The following VAMP4 variants were observed in gnomAD, a reference collection of about 807,000 sequenced individuals.
VAMP4 encodes the protein vesicle-associated membrane protein 4.
Under a neutral mutation model 23.5 loss-of-function variants are expected in VAMP4, and 19 were observed. That is an observed-to-expected ratio of 0.81 (90% CI 0.56 to 1.19). VAMP4 has a LOEUF of 1.19. Among genes scored for constraint, VAMP4 ranks in the 50% most tolerant of loss-of-function variants. VAMP4 has a pLI of 0.00. For missense variants in VAMP4, 145 were observed against 168.6 expected, an observed-to-expected ratio of 0.86 and a Z score of 0.78; for synonymous variants, 31 against 51.0, an observed-to-expected ratio of 0.61 and a Z score of 1.67.
At chr1:171,741,542 C>G (rs1045169135) in intron 1 of VAMP4, among the ~76,000 whole-genome samples, 1 of 151,170 alleles carries the variant, frequency 6.6e-6, no homozygotes, top group African/African-American at 2.4e-5. Flanking sequence ...CCACGTCCCA[C>G]GATATATCTG....
intron 2 of VAMP4, among the ~76,000 whole-genome samples, chr1:171,733,707 G>C (rs1655636864): frequency 6.6e-6 from 1 of 152,166 alleles, no homozygotes; most frequent in South Asian, 2.1e-4. Context: ...GGAGAAATTA[G>C]AATCATCATA....
At chr1:171,733,119 T>C (rs1266191267) in intron 2 of VAMP4, among the ~76,000 whole-genome samples, 1 of 151,954 alleles carries the variant, frequency 6.6e-6, no homozygotes, top group East Asian at 1.9e-4. Flanking sequence ...TGAGTAATAT[T>C]CTAGCTAACA....
chr1:171,730,737 T>C (rs571066928), intron 2 of VAMP4, among the ~76,000 whole-genome samples: 1 of 127,616 alleles, frequency 7.8e-6, no homozygotes, highest in African/African-American at 2.9e-5. Flanking sequence ...GATATGGTGG[T>C]TCTGGGGGCA....
chr1:171,728,653 T>A, intron 2 of VAMP4, 83 bp from the exon 3 acceptor site: 2 of 1,343,690 alleles, frequency 1.5e-6, no homozygotes, highest in Non-Finnish European at 1.0e-6. Flanking sequence ...ATAAGTCCTA[T>A]ACTAGTGAAA....
chr1:171,729,433 A>C (rs530676330), intron 2 of VAMP4, among the ~76,000 whole-genome samples: 103 of 152,318 alleles, frequency 6.8e-4, no homozygotes, highest in African/African-American at 2.2e-3. Context: ...ATTTCACACA[A>C]TATTTTTTAA....
At chr1:171,710,008 G>A (rs1259396501) in intron 5 of VAMP4, among the ~76,000 whole-genome samples, 17 of 151,806 alleles carry the variant, frequency 1.1e-4, no homozygotes, top group Admixed American at 1.1e-3. Flanking sequence ...TCTTTTTAGG[G>A]CCTTAATGCT....
chr1:171,719,285 G>A, intron 3 of VAMP4, 64 bp from the exon 4 acceptor site: 1 of 1,382,908 alleles, frequency 7.2e-7, no homozygotes, highest in Non-Finnish European at 1.0e-6. Context: ...ACAAAAAAAA[G>A]ATAGAAAGTA....
intron 2 of VAMP4, among the ~76,000 whole-genome samples, chr1:171,735,071 A>T (rs777188472): frequency 4.5e-4 from 68 of 152,240 alleles, no homozygotes; most frequent in Middle Eastern, 6.8e-3. Flanking sequence ...TTTTCTCAGG[A>T]TTATGACCAA....
At chr1:171,740,445 T>C (rs1655889725) in intron 1 of VAMP4, among the ~76,000 whole-genome samples, 2 of 152,240 alleles carry the variant, frequency 1.3e-5, no homozygotes, top group South Asian at 4.1e-4. Flanking sequence ...AGTCAGCTGC[T>C]TGTCAAAACC....
intron 2 of VAMP4, among the ~76,000 whole-genome samples, chr1:171,734,942 T>C (rs542784314): frequency 1.2e-4 from 18 of 152,332 alleles, no homozygotes; most frequent in African/African-American, 3.8e-4. Context: ...CTATTGTTTT[T>C]CTTGAAGTAA....
At chr1:171,728,228 A>G (rs1417527769) in intron 3 of VAMP4, among the ~76,000 whole-genome samples, 1 of 152,154 alleles carries the variant, frequency 6.6e-6, no homozygotes, top group Non-Finnish European at 1.5e-5. Context: ...GCATATCCAC[A>G]TTGTATATAC....
Position 171,701,687 on chromosome 1 carries a change from T to C in VAMP4, c.*2819A>G, listed in dbSNP as rs1319982606. The C allele has an allele frequency of 3.9e-5, 6 of 152,124 alleles. No individual in the cohort carries two copies. The highest frequency in any genetic ancestry group is 1.4e-4 in the African/African-American group (6 of 41,460). 9.4% of individuals were successfully genotyped at this position (152,124 alleles called of 1,614,324 possible). On this transcript the variant is annotated 3_prime_UTR_variant, in exon 8 of 8. Coordinates refer to ENST00000236192, the MANE Select transcript of VAMP4 (RefSeq NM_003762.5). Reference sequence around the variant, plus strand: ...TATTTCTATATCTCATGTCTATTAATTACCCTTCCTCCATCTTATATAATA... The same window carrying C: ...TATTTCTATATCTCATGTCTATTAACTACCCTTCCTCCATCTTATATAATA...
chr1:171,725,904 T>C (rs1655351041), intron 3 of VAMP4, among the ~76,000 whole-genome samples: 1 of 152,032 alleles, frequency 6.6e-6, no homozygotes, highest in Non-Finnish European at 1.5e-5. Flanking sequence ...GCCAGGCTGG[T>C]CTCGAACTCC....
intron 3 of VAMP4, among the ~76,000 whole-genome samples, chr1:171,721,271 C>CGTG (rs1558110222): frequency 6.6e-6 from 1 of 152,110 alleles, no homozygotes; most frequent in East Asian, 1.9e-4. Context: ...TCCCTCTCAC[C>CGTG]ACCTCTACTC....
At chr1:171,713,487 T>C (rs1004737181) in intron 4 of VAMP4, among the ~76,000 whole-genome samples, 7 of 152,144 alleles carry the variant, frequency 4.6e-5, no homozygotes, top group Non-Finnish European at 1.0e-4. Context: ...GTAGACATTA[T>C]ATATACTTTT....
At chr1:171,737,332 C>T (rs1655776472) in intron 2 of VAMP4, among the ~76,000 whole-genome samples, 1 of 152,088 alleles carries the variant, frequency 6.6e-6, no homozygotes, top group Non-Finnish European at 1.5e-5. Flanking sequence ...AATTATTTCC[C>T]CCAATAAATA....
At chr1:171,741,135 T>C (rs1011611508) in intron 1 of VAMP4, among the ~76,000 whole-genome samples, 2 of 152,242 alleles carry the variant, frequency 1.3e-5, no homozygotes, top group African/African-American at 4.8e-5. Context: ...AGACCACCAC[T>C]ATACAATTCA....
At chr1:171,710,665 A>C (rs1654820426) in intron 5 of VAMP4, 49 bp downstream of exon 5, 3 of 1,457,110 alleles carry the variant, frequency 2.1e-6, no homozygotes, top group Non-Finnish European at 2.8e-6. Context: ...TAGAAGACAA[A>C]AACTAGCAAA....
In VAMP4 at chr1:171,701,778, A is replaced by C. The variant is rs1445605346; in HGVS notation, c.*2728T>G. ...CCCCAGTTTATAAAATCTGAGGGCA[A>C]TTTCCAGTGAACTTTGTCAGGATAG... On this transcript the variant is annotated 3_prime_UTR_variant, in exon 8 of 8. Coordinates refer to ENST00000236192, the MANE Select transcript of VAMP4 (RefSeq NM_003762.5). The C allele has an allele frequency of 1.3e-5, 2 of 152,146 alleles. No homozygotes were observed. The highest frequency in any genetic ancestry group is 2.9e-5 in the Non-Finnish European group (2 of 67,986). The allele number at this position is 152,146 out of a possible 1,614,324, so 9.4% of individuals were successfully genotyped here.
Sources: gnomAD v4.1 joint callset for allele counts (sites outside exome capture counted in the v4.1 genomes callset) on GRCh38, gnomAD v4.1.1 for gene constraint, MANE v1.5 for transcripts, NCBI Gene and HGNC (gene_info 2026-07-23, HGNC 2026-07-21) for gene names.